TMEM117: variants seen among roughly 807,000 people sequenced by gnomAD.
TMEM117 encodes transmembrane protein 117.
TMEM117 carries 27 observed loss-of-function variants against 52.4 expected under a neutral mutation model. The observed-to-expected ratio is 0.51, with a 90% CI of 0.38 to 0.71. The LOEUF (loss-of-function observed/expected upper bound fraction) is 0.71. Among genes scored for constraint, TMEM117 ranks in the 30% least tolerant of loss-of-function variants. TMEM117 has a pLI of 0.00. For synonymous variants in TMEM117, 215 were observed against 206.3 expected, an observed-to-expected ratio of 1.04 and a Z score of -0.36; for missense variants, 556 against 630.5, an observed-to-expected ratio of 0.88 and a Z score of 1.26.
chr12:44,143,485 C>T, intron 3 of TMEM117, 40 bp from the exon 4 acceptor site: 1 of 1,512,890 alleles, frequency 6.6e-7, no homozygotes, highest in Non-Finnish European at 9.1e-7. Context: ...CTGTATGACT[C>T]TCTGAGTCCG....
intron 2 of TMEM117, among the ~76,000 whole-genome samples, chr12:43,878,731 AATC>A (rs1236834669): frequency 3.3e-5 from 5 of 152,206 alleles, no homozygotes; most frequent in African/African-American, 1.2e-4. Context: ...CACTATGTAA[AATC>A]ATTTTAAAAT....
At chr12:44,122,377 T>C (rs977341296) in intron 3 of TMEM117, among the ~76,000 whole-genome samples, 6 of 152,118 alleles carry the variant, frequency 3.9e-5, no homozygotes, top group Non-Finnish European at 1.5e-5. Flanking sequence ...TAGTATTTCA[T>C]GGTTCTATAT....
intron 4 of TMEM117, among the ~76,000 whole-genome samples, chr12:44,190,465 TG>T (rs1949336598): frequency 6.6e-6 from 1 of 152,128 alleles, no homozygotes; most frequent in Non-Finnish European, 1.5e-5. Context: ...CCAGGAGCAT[TG>T]CTCAGGTGAT....
At chr12:43,876,387 A>G (rs774350090) in intron 2 of TMEM117, among the ~76,000 whole-genome samples, 5 of 152,130 alleles carry the variant, frequency 3.3e-5, no homozygotes, top group Non-Finnish European at 5.9e-5. Flanking sequence ...TGTCATTTCT[A>G]GGGTCATTCA....
At chr12:44,373,221 G>C (rs1258890094) in intron 6 of TMEM117, among the ~76,000 whole-genome samples, 1 of 152,194 alleles carries the variant, frequency 6.6e-6, no homozygotes, top group Non-Finnish European at 1.5e-5. Flanking sequence ...TTCACACACA[G>C]TGTGACCCAC....
chr12:44,395,712 C>G, the TMEM117 span, among the ~76,000 whole-genome samples: 1 of 152,282 alleles, frequency 6.6e-6, no homozygotes, highest in Non-Finnish European at 1.5e-5. Context: ...TAGGGTCTTA[C>G]AGTCTTCAGC....
At chr12:43,798,888 T>C in the TMEM117 span, among the ~76,000 whole-genome samples, 3 of 152,092 alleles carry the variant, frequency 2.0e-5, no homozygotes, top group African/African-American at 7.2e-5. Context: ...TTAAAAATAA[T>C]GATAAACTAC....
Position 44,048,710 on chromosome 12 carries a change from G to A in TMEM117, c.411-94815G>A, listed in dbSNP as rs118087261. Among the ~76,000 whole-genome samples the A allele has an allele frequency of 7.1e-4, 108 of 152,306 alleles. 3 individuals are homozygous for A. In the East Asian group the frequency reaches 8.1e-3, roughly 11 times the overall value. On this transcript the variant is annotated intron_variant, in intron 3 of 7. Transcript: ENST00000266534. ...TCCATTGCGTGAGAGTATTTTTAGC[G>A]TGATAGAGTAATACCGTTGGCCAAG...
rs1950380703 is a variant in TMEM117 at position 44,266,581 on chromosome 12, A to G, written c.609-32999A>G. On this transcript the variant is annotated intron_variant, in intron 5 of 7. Transcript: ENST00000266534. ...TCCTAGTTTGTGGCTTGCATTTTCA[A>G]TTTATTTTGCTGTCCTTTGAAGCAC... 2.6e-5 allele frequency among the ~76,000 whole-genome samples: 4 copies of G among 152,240 alleles called. No homozygotes were observed. The South Asian group carries it at 8.3e-4, about 32-fold the overall frequency.
At chr12:44,358,844 GC>G (rs1951685517) in intron 6 of TMEM117, among the ~76,000 whole-genome samples, 1 of 152,074 alleles carries the variant, frequency 6.6e-6, no homozygotes, top group Non-Finnish European at 1.5e-5. Context: ...AAGGGACATG[GC>G]CCAGCCTGCA....
chr12:44,012,434 C>G (rs1946308319), intron 3 of TMEM117, among the ~76,000 whole-genome samples: 1 of 151,040 alleles, frequency 6.6e-6, no homozygotes, highest in African/African-American at 2.4e-5. Flanking sequence ...CTGATATTCC[C>G]ATTACACAGT....
intron 3 of TMEM117, among the ~76,000 whole-genome samples, chr12:44,101,286 T>C (rs1260974663): frequency 6.6e-6 from 1 of 151,860 alleles, no homozygotes; most frequent in East Asian, 1.9e-4. Context: ...CTTAGGTTGG[T>C]GATGGTGCCT....
rs541849477 is a variant in TMEM117 at position 44,201,038 on chromosome 12, A to G, written c.511-10252A>G. Among the ~76,000 whole-genome samples the G allele has an allele frequency of 9.2e-5, 14 of 152,318 alleles. No individual in the cohort carries two copies. In the South Asian group the frequency reaches 2.9e-3, roughly 32 times the overall value. On this transcript the variant is annotated intron_variant, in intron 4 of 7. Coordinates refer to ENST00000266534, the MANE Select transcript of TMEM117 (RefSeq NM_032256.3). ...GAAGAGTCCTCCACCAGAAAATGCT[A>G]CCAAGGATGAGAGGAAAATGATGAC...
chr12:44,038,377 G>A (rs1247337067), intron 3 of TMEM117, among the ~76,000 whole-genome samples: 3 of 152,170 alleles, frequency 2.0e-5, no homozygotes, highest in Non-Finnish European at 4.4e-5. Context: ...GAAGCTGCTT[G>A]TGGTACACCT....
At chr12:43,988,829 A>G (rs879650923) in intron 3 of TMEM117, among the ~76,000 whole-genome samples, 1 of 152,184 alleles carries the variant, frequency 6.6e-6, no homozygotes, top group South Asian at 2.1e-4. Context: ...CAAAACGTTT[A>G]CAAGTATGTA....
At chr12:44,108,575 T>C (rs1243785482) in intron 3 of TMEM117, among the ~76,000 whole-genome samples, 1 of 91,294 alleles carries the variant, frequency 1.1e-5, no homozygotes, top group South Asian at 4.1e-4. Context: ...ATGGTGTATA[T>C]ATGCCACATT....
intron 6 of TMEM117, among the ~76,000 whole-genome samples, chr12:44,368,067 C>G (rs1951814486): frequency 6.6e-6 from 1 of 152,106 alleles, no homozygotes; most frequent in South Asian, 2.1e-4. Flanking sequence ...ATTTCCTCCT[C>G]AGGGCCTTTG....
intron 3 of TMEM117, among the ~76,000 whole-genome samples, chr12:43,993,822 G>A (rs1428806671): frequency 2.0e-5 from 3 of 152,020 alleles, no homozygotes; most frequent in Non-Finnish European, 4.4e-5. Flanking sequence ...AGCCTGTTCA[G>A]TAGATGGGAC....
intron 3 of TMEM117, among the ~76,000 whole-genome samples, chr12:43,969,651 C>T (rs1465778554): frequency 1.3e-5 from 2 of 152,146 alleles, no homozygotes; most frequent in Non-Finnish European, 2.9e-5. Flanking sequence ...CCTTCTCTCT[C>T]ACTAAAAGGT....
Sources: gnomAD v4.1 joint callset for allele counts (sites outside exome capture counted in the v4.1 genomes callset) on GRCh38, gnomAD v4.1.1 for gene constraint, MANE v1.5 for transcripts, NCBI Gene and HGNC (gene_info 2026-07-23, HGNC 2026-07-21) for gene names.